Variants in SNCAIP observed in about 807,000 individuals in gnomAD.
The protein encoded by SNCAIP is synuclein alpha interacting protein.
In SNCAIP, 43 loss-of-function variants were observed where a neutral mutation model predicts 86.7. The observed-to-expected ratio is 0.50, with a 90% CI of 0.39 to 0.64. SNCAIP has a LOEUF of 0.64. SNCAIP is among the 30% of genes least tolerant of loss of function. The pLI, the probability that SNCAIP is intolerant of heterozygous loss-of-function variation, is 0.00. For missense variants in SNCAIP, 981 were observed against 1,103.1 expected, an observed-to-expected ratio of 0.89 and a Z score of 1.57; for synonymous variants, 417 against 427.2, an observed-to-expected ratio of 0.98 and a Z score of 0.29.
intron 10 of SNCAIP, 56 bp from the exon 11 acceptor site, chr5:122,463,435 T>A (rs1786964792): frequency 1.9e-6 from 2 of 1,028,960 alleles, no homozygotes; most frequent in East Asian, 2.4e-5. Context: ...TGGTATTGTC[T>A]TGTAACTTGA....
intron 6 of SNCAIP, among the ~76,000 whole-genome samples, chr5:122,433,450 G>A (rs948682750): frequency 2.6e-5 from 4 of 152,134 alleles, no homozygotes; most frequent in African/African-American, 4.8e-5. Context: ...TATAGAAAAT[G>A]TATGCAGATT....
At chr5:122,410,397 C>T (rs1328570809) in intron 3 of SNCAIP, among the ~76,000 whole-genome samples, 1 of 152,186 alleles carries the variant, frequency 6.6e-6, no homozygotes, top group Non-Finnish European at 1.5e-5. Flanking sequence ...GAGAGATCAT[C>T]TCTACCTTTA....
At chr5:122,397,484 C>G (rs1188505624) in intron 2 of SNCAIP, among the ~76,000 whole-genome samples, 1 of 151,978 alleles carries the variant, frequency 6.6e-6, no homozygotes, top group African/African-American at 2.4e-5. Flanking sequence ...ATACCAACCA[C>G]AAACAATGTC....
At chr5:122,336,537 T>C (rs1232137510) in intron 1 of SNCAIP, among the ~76,000 whole-genome samples, 2 of 152,244 alleles carry the variant, frequency 1.3e-5, no homozygotes, top group South Asian at 2.1e-4. Context: ...TCCTTTAAGC[T>C]AAGTGTTTAT....
chr5:122,424,778 T>G (rs944832711), intron 4 of SNCAIP, among the ~76,000 whole-genome samples: 1 of 152,166 alleles, frequency 6.6e-6, no homozygotes, highest in Non-Finnish European at 1.5e-5. Context: ...GAGTTCATAG[T>G]CAAGGGACAA....
intron 1 of SNCAIP, among the ~76,000 whole-genome samples, chr5:122,341,046 TC>T (rs1341317301): frequency 3.9e-5 from 6 of 152,246 alleles, no homozygotes; most frequent in African/African-American, 1.4e-4. Context: ...CCACCACCCT[TC>T]CCCTTCTATT....
chr5:122,312,691 A>G (rs759933257), intron 1 of SNCAIP: 1 of 152,202 alleles, frequency 6.6e-6, no homozygotes, highest in Non-Finnish European at 1.5e-5. Context: ...GCGAAGTAAT[A>G]GTAATAGCGA....
At position 122,452,695 on chromosome 5, in the gene SNCAIP, A is replaced by G. The variant is rs79707970; in HGVS notation, c.2754+1094A>G. 1.4e-3 allele frequency among the ~76,000 whole-genome samples: 213 copies of G among 152,304 alleles called. 1 individual carries two copies. Among genetic ancestry groups the G allele is most frequent in the African/African-American group, 4.9e-3 (204 of 41,564 alleles). On this transcript the variant is annotated intron_variant, in intron 10 of 10. Coordinates refer to ENST00000261368, the MANE Select transcript of SNCAIP (RefSeq NM_005460.4). ...CAAAACACCAGACCTTTTGGGTTAAATGTGTCAAAACTTAAGTCACTCAGA... is the reference window on the plus strand; with the variant it reads ...CAAAACACCAGACCTTTTGGGTTAAGTGTGTCAAAACTTAAGTCACTCAGA...
At chr5:122,322,613 C>A (rs896140636) in intron 1 of SNCAIP, among the ~76,000 whole-genome samples, 10 of 152,138 alleles carry the variant, frequency 6.6e-5, no homozygotes, top group African/African-American at 1.9e-4. Context: ...AAAAATAAAT[C>A]CTGCTGTCAC....
chr5:122,438,176 A>G (rs1779959069), intron 6 of SNCAIP, among the ~76,000 whole-genome samples: 2 of 152,182 alleles, frequency 1.3e-5, no homozygotes, highest in African/African-American at 4.8e-5. Flanking sequence ...TTCTTTCAAC[A>G]TCATCTTCTT....
intron 1 of SNCAIP, among the ~76,000 whole-genome samples, chr5:122,359,964 T>A (rs1397052642): frequency 1.3e-5 from 2 of 152,182 alleles, no homozygotes; most frequent in Non-Finnish European, 2.9e-5. Flanking sequence ...GAGAATCTCA[T>A]GCTGCAAGGA....
intron 3 of SNCAIP, among the ~76,000 whole-genome samples, chr5:122,417,784 G>C (rs1422951242): frequency 6.6e-6 from 1 of 151,264 alleles, no homozygotes; most frequent in African/African-American, 2.4e-5. Flanking sequence ...TAAGTCATTG[G>C]TCCCCAGTAT....
At chr5:122,405,595 A>C (rs1039160943) in intron 3 of SNCAIP, among the ~76,000 whole-genome samples, 1 of 152,238 alleles carries the variant, frequency 6.6e-6, no homozygotes, top group Non-Finnish European at 1.5e-5. Flanking sequence ...AACCCCAGGA[A>C]GTCTACTTCC....
At chr5:122,394,975 T>C (rs1472389578) in intron 2 of SNCAIP, among the ~76,000 whole-genome samples, 1 of 152,202 alleles carries the variant, frequency 6.6e-6, no homozygotes, top group Non-Finnish European at 1.5e-5. Context: ...AGGACCTAAA[T>C]GCAGAACTAT....
In SNCAIP at chr5:122,440,753, A is replaced by G; in HGVS notation, c.1421A>G (p.Gln474Arg). 1 of 1,613,930 alleles carries G rather than the reference A, an allele frequency of 6.2e-7. No homozygotes were observed. The highest frequency in any genetic ancestry group is 8.5e-7 in the Non-Finnish European group (1 of 1,179,782). The change falls in exon 7 of 11, where the codon CAG becomes CGG. Residue 474 changes from glutamine (Q) to arginine (R), a missense_variant and splice_region_variant. Physicochemically the swap from Gln to Arg is conservative, Grantham distance 43. Coordinates refer to ENST00000261368, the MANE Select transcript of SNCAIP (RefSeq NM_005460.4). Reference sequence around the variant, plus strand: ...CAGCATGGCTACCTTGGATGCATACAGGTACACAGGCCCTGCTGTTTTGCA... The same window carrying G: ...CAGCATGGCTACCTTGGATGCATACGGGTACACAGGCCCTGCTGTTTTGCA... ...ASQHGYLGCI[Q>R]TLVEYGANVT... is the part of the protein sequence containing the mutation.
At chr5:122,438,191 T>G (rs1424835603) in intron 6 of SNCAIP, among the ~76,000 whole-genome samples, 1 of 152,196 alleles carries the variant, frequency 6.6e-6, no homozygotes. Flanking sequence ...CTTCTTATAA[T>G]GTTGATGAGA....
chr5:122,315,189 T>TA (rs956628513), intron 1 of SNCAIP, among the ~76,000 whole-genome samples: 1 of 152,224 alleles, frequency 6.6e-6, no homozygotes, highest in Non-Finnish European at 1.5e-5. Context: ...CTGCTATTCT[T>TA]AGTTAGGTTC....
chr5:122,337,950 C>T (rs1049262020), intron 1 of SNCAIP, among the ~76,000 whole-genome samples: 6 of 152,162 alleles, frequency 3.9e-5, no homozygotes, highest in Non-Finnish European at 8.8e-5. Flanking sequence ...GACTTTAAGA[C>T]ATTTATCAGA....
chr5:122,433,040 T>G (rs1356802415), intron 6 of SNCAIP, among the ~76,000 whole-genome samples: 2 of 152,062 alleles, frequency 1.3e-5, no homozygotes, highest in Non-Finnish European at 2.9e-5. Context: ...TAGACAACAC[T>G]ATTACCACAG....
Sources: allele counts gnomAD v4.1 joint callset (sites outside exome capture counted in the v4.1 genomes callset), GRCh38; gene constraint gnomAD v4.1.1; transcripts MANE v1.5; gene names NCBI Gene and HGNC (gene_info 2026-07-23, HGNC 2026-07-21).